Variants in CNTN4 observed in about 807,000 individuals in gnomAD.
The protein encoded by CNTN4 is contactin 4.
A neutral mutation model predicts 122.5 loss-of-function variants in CNTN4; 77 were observed. The observed-to-expected ratio is 0.63, with a 90% confidence interval of 0.52 to 0.76. The LOEUF (loss-of-function observed/expected upper bound fraction) is 0.76. Among genes scored for constraint, CNTN4 ranks in the 30% least tolerant of loss-of-function variants. The pLI is 0.00. For missense variants in CNTN4, 1,256 were observed against 1,259.1 expected (o/e 1.00, Z 0.04); for synonymous variants, 512 against 447.0 (o/e 1.15, Z -1.83).
intron 4 of CNTN4, among the ~76,000 whole-genome samples, chr3:2,645,556 T>C (rs908014399): frequency 1.3e-5 from 2 of 152,220 alleles, no homozygotes; most frequent in Non-Finnish European, 2.9e-5. Flanking sequence ...TTTGCTAGGG[T>C]TGAATTCACA....
At chr3:2,676,796 T>C (rs2084871331) in intron 4 of CNTN4, among the ~76,000 whole-genome samples, 1 of 152,186 alleles carries the variant, frequency 6.6e-6, no homozygotes, top group South Asian at 2.1e-4. Context: ...CAGAAACATA[T>C]AAAAAGACAC....
Position 2,649,954 on chromosome 3 carries a change from C to A in CNTN4, c.55+78396C>A, listed in dbSNP as rs1424477486. 2.0e-5 allele frequency among the ~76,000 whole-genome samples: 3 copies of A among 150,380 alleles called. No individual in the cohort carries two copies. In the East Asian group the frequency reaches 5.8e-4, roughly 29 times the overall value. On this transcript the variant is annotated intron_variant, in intron 4 of 24. Coordinates refer to ENST00000418658, the MANE Select transcript of CNTN4 (RefSeq NM_175607.3). ...GACCAGCCTGACCAACATGGTGAAACCCTGTCTACTAAAAATACAAATATA... is the reference window on the plus strand; with the variant it reads ...GACCAGCCTGACCAACATGGTGAAAACCTGTCTACTAAAAATACAAATATA...
chr3:2,379,793 G>A (rs1036644343), intron 3 of CNTN4, among the ~76,000 whole-genome samples: 4 of 152,070 alleles, frequency 2.6e-5, no homozygotes, highest in African/African-American at 9.7e-5. Context: ...GGTGGCTCAC[G>A]CCTGTAATCC....
intron 10 of CNTN4, among the ~76,000 whole-genome samples, chr3:2,890,820 C>T (rs1420491781): frequency 1.3e-5 from 2 of 152,124 alleles, no homozygotes; most frequent in African/African-American, 4.8e-5. Flanking sequence ...CCCATCTTCC[C>T]AATTTGTTTT....
intron 13 of CNTN4, among the ~76,000 whole-genome samples, chr3:2,980,293 T>C (rs1693838546): frequency 6.6e-6 from 1 of 152,222 alleles, no homozygotes; most frequent in Non-Finnish European, 1.5e-5. Context: ...TGTCTGTATT[T>C]GTACTACTTG....
chr3:2,398,513 C>G (rs2046721864), intron 3 of CNTN4, among the ~76,000 whole-genome samples: 1 of 151,992 alleles, frequency 6.6e-6, no homozygotes, highest in South Asian at 2.1e-4. Flanking sequence ...GAGATTGATT[C>G]ATTATATTGC....
chr3:2,127,670 A>G (rs2034244568), intron 2 of CNTN4, among the ~76,000 whole-genome samples: 1 of 152,180 alleles, frequency 6.6e-6, no homozygotes, highest in African/African-American at 2.4e-5. Flanking sequence ...CAGATTCCAT[A>G]TTGGAAATAT....
chr3:2,792,371 C>A (rs2092038806), intron 6 of CNTN4, among the ~76,000 whole-genome samples: 1 of 152,206 alleles, frequency 6.6e-6, no homozygotes, highest in Non-Finnish European at 1.5e-5. Context: ...ACAGATGAAT[C>A]ATTTCAAGAT....
intron 13 of CNTN4, among the ~76,000 whole-genome samples, chr3:2,931,102 A>C (rs985885364): frequency 1.3e-5 from 2 of 152,204 alleles, no homozygotes; most frequent in African/African-American, 4.8e-5. Context: ...TGCCTGCAAC[A>C]TGCAGAAGGA....
chr3:2,581,642 A>C (rs1035972121), intron 4 of CNTN4, among the ~76,000 whole-genome samples: 5 of 152,190 alleles, frequency 3.3e-5, no homozygotes, highest in African/African-American at 1.2e-4. Context: ...TTTCTCTTGT[A>C]AAGTTTTTCC....
chr3:3,051,854 C>T (rs1450879506), intron 23 of CNTN4, among the ~76,000 whole-genome samples: 3 of 152,188 alleles, frequency 2.0e-5, no homozygotes, highest in African/African-American at 7.2e-5. Context: ...GACCTTATGT[C>T]TGTAGCCTCA....
intron 6 of CNTN4, among the ~76,000 whole-genome samples, chr3:2,802,394 G>A (rs1363704848): frequency 5.3e-5 from 8 of 152,174 alleles, no homozygotes; most frequent in African/African-American, 1.2e-4. Context: ...TTAGTGGCAC[G>A]TTGTTTTGCC....
chr3:2,821,576 T>C (rs1223889988), intron 7 of CNTN4, among the ~76,000 whole-genome samples: 4 of 152,178 alleles, frequency 2.6e-5, no homozygotes, highest in Non-Finnish European at 5.9e-5. Context: ...CGCAGATGTG[T>C]TATGCCCTGG....
At position 2,709,360 on chromosome 3, in the gene CNTN4, G is replaced by A. The variant is rs897335597; in HGVS notation, c.56-26855G>A. ...CTGGGGGTCCTTAAAAAATACTGAT[G>A]CGTAGGTCTCACGCCTGGTTAGGAT... is the stretch of plus-strand genomic sequence containing the variant. On this transcript the variant is annotated intron_variant, in intron 4 of 24. Transcript: ENST00000418658. This position sits in a 1 kb window ranked among gnomAD's most constrained non-coding sequence, Gnocchi z 5.0. Among the ~76,000 whole-genome samples the A allele has an allele frequency of 1.8e-4, 27 of 152,222 alleles. No homozygotes were observed. The East Asian group carries it at 2.9e-3, about 16-fold the overall frequency.
At chr3:2,495,266 T>G (rs1277968672) in intron 3 of CNTN4, among the ~76,000 whole-genome samples, 1 of 152,222 alleles carries the variant, frequency 6.6e-6, no homozygotes, top group Non-Finnish European at 1.5e-5. Context: ...ATATTTCCCT[T>G]TTCTAATTTC....
Position 2,164,665 on chromosome 3 carries a change from T to C in CNTN4, c.-145+64026T>C, listed in dbSNP as rs74564198. Among the ~76,000 whole-genome samples, 136 of 152,280 alleles carry C rather than the reference T, an allele frequency of 8.9e-4. 1 individual carries two copies. The East Asian group carries it at 0.019, about 21-fold the overall frequency. ...AGTTACCTTCAAGGAAAAGAGAATT[T>C]GACTATTATCCAGTTTCTCATCTGC... On this transcript the variant is annotated intron_variant, in intron 2 of 24. Transcript: ENST00000418658.
At chr3:2,933,117 C>T (rs151107408) in intron 13 of CNTN4, among the ~76,000 whole-genome samples, 2,212 of 152,230 alleles carry the variant, frequency 0.015, 63 homozygotes, top group African/African-American at 0.05. Context: ...CCACCGCGCC[C>T]GGCCCAGATG....
intron 3 of CNTN4, among the ~76,000 whole-genome samples, chr3:2,446,581 A>T (rs977385294): frequency 1.3e-5 from 2 of 152,114 alleles, no homozygotes; most frequent in African/African-American, 4.8e-5. Context: ...CAGCTCATTT[A>T]TACCTTCACC....
At chr3:2,950,934 A>G (rs560483287) in intron 13 of CNTN4, among the ~76,000 whole-genome samples, 1 of 152,242 alleles carries the variant, frequency 6.6e-6, no homozygotes, top group Non-Finnish European at 1.5e-5. Context: ...CACTTAGCAT[A>G]GTACTTGACA....
Sources: allele counts gnomAD v4.1 joint callset (sites outside exome capture counted in the v4.1 genomes callset), GRCh38; gene constraint gnomAD v4.1.1; non-coding constraint Gnocchi (gnomAD v3.1); transcripts MANE v1.5; gene names NCBI Gene and HGNC (gene_info 2026-07-23, HGNC 2026-07-21).